ZBTB16: variants seen among roughly 807,000 people sequenced by gnomAD.
ZBTB16 encodes the protein zinc finger and BTB domain containing 16, also known as zinc finger and BTB domain-containing protein 16.
Under a neutral mutation model 56.8 loss-of-function variants are expected in ZBTB16, and 8 were observed. The ratio of observed to expected loss-of-function variants is 0.14; its 90% CI spans 0.08 to 0.25. The LOEUF is 0.25. Ranked by LOEUF, ZBTB16 falls within the 10% of genes least tolerant of loss-of-function variation. ZBTB16 has a pLI of 1.00. For synonymous variants in ZBTB16, 363 were observed against 368.5 expected, an observed-to-expected ratio of 0.98 and a Z score of 0.17; for missense variants, 625 against 903.0, an observed-to-expected ratio of 0.69 and a Z score of 3.95.
rs370226312 is a variant in ZBTB16 at position 114,096,760 on chromosome 11, C to T, written c.1268+32192C>T. On this transcript the variant is annotated intron_variant, in intron 2 of 6. Transcript: ENST00000335953. ...ACGGGCACTTTTGCGACTGTGTACCCTTGCGTGGCTTCCCGCTTCAGCGAC... is the reference window on the plus strand; with the variant it reads ...ACGGGCACTTTTGCGACTGTGTACCTTTGCGTGGCTTCCCGCTTCAGCGAC... Among the ~76,000 whole-genome samples the T allele has an allele frequency of 3.3e-5, 5 of 152,330 alleles. 1 individual carries two copies. The highest frequency in any genetic ancestry group is 6.5e-5 in the Admixed American group (1 of 15,304).
chr11:114,064,410 C>A lies in ZBTB16; in HGVS notation c.1110C>A (p.Thr370=). 6.2e-7 allele frequency: 1 copy of A among 1,614,102 alleles called. No individual in the cohort carries two copies. Reference sequence around the variant, plus strand: ...TGGCTGTCTCCATGGACTTCAGCACCTATGGGGGGCTGCTGCCCCAGGGCT... The same window carrying A: ...TGGCTGTCTCCATGGACTTCAGCACATATGGGGGGCTGCTGCCCCAGGGCT... ...PALAVSMDFS[T]YGGLLPQGFI... Residue 370 remains threonine (T), a synonymous_variant, in exon 2 of 7, where the codon ACC becomes ACA. Coordinates refer to ENST00000335953, the MANE Select transcript of ZBTB16 (RefSeq NM_006006.6). This position sits in a 1 kb window ranked among gnomAD's most constrained non-coding sequence, Gnocchi z 4.2.
chr11:114,226,323 C>T (rs934029197), intron 4 of ZBTB16, among the ~76,000 whole-genome samples: 16 of 152,164 alleles, frequency 1.1e-4, no homozygotes, highest in African/African-American at 3.1e-4. Flanking sequence ...GGCCATCAAG[C>T]GATGCTGGTG....
intron 2 of ZBTB16, among the ~76,000 whole-genome samples, chr11:114,101,171 A>G (rs183602368): frequency 4.6e-5 from 7 of 152,150 alleles, no homozygotes; most frequent in Admixed American, 1.3e-4. Flanking sequence ...CAGCCTGCTA[A>G]TTTTTAAGTT....
intron 2 of ZBTB16, among the ~76,000 whole-genome samples, chr11:114,067,716 C>G (rs770367971): frequency 1.3e-5 from 2 of 152,120 alleles, no homozygotes; most frequent in African/African-American, 2.4e-5. Context: ...CGAGAATGTG[C>G]TTTTGACTGA....
At position 114,172,016 on chromosome 11, in the gene ZBTB16, G is replaced by C. The variant is rs1942981875; in HGVS notation, c.1367-14936G>C. ...AGGAGCAGCAGGGGAAGCTGCCCAG[G>C]AGTGTAGAAGAGCCTGGTCCAGGTG... On this transcript the variant is annotated intron_variant, in intron 3 of 6. Transcript: ENST00000335953. 2.6e-5 allele frequency among the ~76,000 whole-genome samples: 4 copies of C among 152,236 alleles called. No homozygotes were observed. In the South Asian group the frequency reaches 8.3e-4, roughly 31 times the overall value.
intron 4 of ZBTB16, among the ~76,000 whole-genome samples, chr11:114,227,607 T>G (rs754131698): frequency 2.0e-5 from 3 of 152,170 alleles, no homozygotes; most frequent in Non-Finnish European, 4.4e-5. Context: ...ACAGTAAACC[T>G]TGAACTTAAA....
At chr11:114,195,563 G>T (rs1254518557) in intron 4 of ZBTB16, among the ~76,000 whole-genome samples, 1 of 152,192 alleles carries the variant, frequency 6.6e-6, no homozygotes, top group African/African-American at 2.4e-5. Flanking sequence ...GGTTTGTCAT[G>T]CAGATTGCAG....
rs1939038388 is a variant in ZBTB16, at chr11:114,064,522, G to A, written c.1222G>A (p.Val408Met). 9 of 1,614,084 alleles carry A rather than the reference G, an allele frequency of 5.6e-6. No individual in the cohort carries two copies. The highest frequency in any genetic ancestry group is 7.6e-6 in the Non-Finnish European group (9 of 1,180,030). ...ESRTIGEQCSVCGVELPDNEA... is the reference protein window; with the variant it reads ...ESRTIGEQCSMCGVELPDNEA... ...CCGGACCATCGGAGAGCAGTGCAGC[G>A]TGTGTGGGGTCGAGCTTCCTGATAA... Residue 408 changes from valine to methionine, a missense_variant, in exon 2 of 7, where the codon GTG becomes ATG. This residue lies in a region of ZBTB16 where 384 missense variants were observed against 393.5 expected (regional missense o/e 0.98). Transcript: ENST00000335953. This position sits in a 1 kb window ranked among gnomAD's most constrained non-coding sequence, Gnocchi z 4.2.
chr11:114,114,482 C>T (rs1202188639), intron 2 of ZBTB16, among the ~76,000 whole-genome samples: 1 of 152,152 alleles, frequency 6.6e-6, no homozygotes, highest in East Asian at 1.9e-4. Flanking sequence ...ATAGAGGGAA[C>T]AGGGAGATGA....
chr11:114,141,737 A>G (rs1467695535), intron 2 of ZBTB16, among the ~76,000 whole-genome samples: 4 of 152,238 alleles, frequency 2.6e-5, no homozygotes, highest in Non-Finnish European at 5.9e-5. Context: ...AACTAGTGGT[A>G]TCAGGCTCTG....
chr11:114,169,674 C>T (rs557404190), intron 3 of ZBTB16, among the ~76,000 whole-genome samples: 19 of 152,244 alleles, frequency 1.2e-4, no homozygotes, highest in Non-Finnish European at 2.4e-4. Context: ...GTGACACGAG[C>T]CCCCTGGCAA....
At chr11:114,222,161 G>A (rs1043684183) in intron 4 of ZBTB16, among the ~76,000 whole-genome samples, 1 of 152,116 alleles carries the variant, frequency 6.6e-6, no homozygotes, top group African/African-American at 2.4e-5. Context: ...CTTCCATCTG[G>A]GTTCAAATGG....
At position 114,256,320 on chromosome 11, in the gene ZBTB16, G is replaced by A. The variant is rs1052892179; in HGVS notation, c.*5765G>A. On this transcript the variant is annotated 3_prime_UTR_variant, in exon 7 of 7. Coordinates refer to ENST00000335953, the MANE Select transcript of ZBTB16 (RefSeq NM_006006.6). ...CCATGTACCAGTTACTGTTGTCGGC[G>A]CTGGGAATTACAGCAAAGGACAAAC... is the stretch of plus-strand genomic sequence containing the variant. 1.3e-5 allele frequency among the ~76,000 whole-genome samples: 2 copies of A among 152,170 alleles called. No individual in the cohort carries two copies. Among genetic ancestry groups the A allele is most frequent in the Admixed American group, 6.5e-5 (1 of 15,284 alleles).
chr11:114,125,585 A>G (rs1413712586), intron 2 of ZBTB16, among the ~76,000 whole-genome samples: 3 of 151,178 alleles, frequency 2.0e-5, no homozygotes, highest in African/African-American at 7.3e-5. Context: ...TCGAGCCTGC[A>G]GAAGGGGCCT....
chr11:114,221,015 A>G (rs968408867), intron 4 of ZBTB16, among the ~76,000 whole-genome samples: 1 of 152,202 alleles, frequency 6.6e-6, no homozygotes. Context: ...TGTAAGCATC[A>G]CGGTGATCCG....
At chr11:114,193,018 T>G (rs796758095) in intron 4 of ZBTB16, among the ~76,000 whole-genome samples, 5 of 152,354 alleles carry the variant, frequency 3.3e-5, no homozygotes, top group African/African-American at 1.2e-4. Flanking sequence ...CCTGTGTGCC[T>G]GGCACCTGCT....
intron 1 of ZBTB16, among the ~76,000 whole-genome samples, chr11:114,062,643 G>A (rs895863748): frequency 3.3e-5 from 5 of 152,180 alleles, no homozygotes; most frequent in East Asian, 1.9e-4. Flanking sequence ...TAGCCTTTGC[G>A]GAGGAGAGCC....
intron 2 of ZBTB16, among the ~76,000 whole-genome samples, chr11:114,100,113 T>G (rs538901486): frequency 6.6e-6 from 1 of 152,386 alleles, no homozygotes; most frequent in South Asian, 2.1e-4. Context: ...GATCTCTTAA[T>G]GACACTAATA....
In ZBTB16 at chr11:114,250,541, C is replaced by A; in HGVS notation, c.2008C>A (p.Leu670Met). The A allele has an allele frequency of 1.2e-6, 2 of 1,614,104 alleles. No homozygotes were observed. Among genetic ancestry groups the A allele is most frequent in the South Asian group, 2.2e-5 (2 of 91,078 alleles). Reference sequence around the variant, plus strand: ...GAGGATAGAGAAGACGTACCTCTACCTGTGCTATGTGTGAAGGGAGGCCCG... The same window carrying A: ...GAGGATAGAGAAGACGTACCTCTACATGTGCTATGTGTGAAGGGAGGCCCG... ...DWRIEKTYLY[L>M]CYV Residue 670 changes from leucine (L) to methionine (M), a missense_variant, in exon 7 of 7, where the codon CTG (leucine) becomes ATG (methionine). Physicochemically the swap from Leu to Met is conservative, Grantham distance 15. Coordinates refer to ENST00000335953, the MANE Select transcript of ZBTB16 (RefSeq NM_006006.6). This position sits in a 1 kb window ranked among gnomAD's most constrained non-coding sequence, Gnocchi z 6.0.
Sources: gnomAD v4.1 joint callset for allele counts (sites outside exome capture counted in the v4.1 genomes callset) on GRCh38, gnomAD v4.1.1 for gene constraint, gnomAD v4.1.1 regional missense constraint, Gnocchi (gnomAD v3.1) non-coding constraint, MANE v1.5 for transcripts, NCBI Gene and HGNC (gene_info 2026-07-23, HGNC 2026-07-21) for gene names.